SLC2A9: variants seen among roughly 807,000 people sequenced by gnomAD.
The protein encoded by SLC2A9 is solute carrier family 2, facilitated glucose transporter member 9.
SLC2A9 carries 39 observed loss-of-function variants against 50.6 expected under a neutral mutation model. The ratio of observed to expected loss-of-function variants is 0.77; its 90% CI spans 0.60 to 1.01. SLC2A9 has a LOEUF of 1.01. Ranked by LOEUF, SLC2A9 falls within the 50% of genes least tolerant of loss-of-function variation. The probability of loss-of-function intolerance (pLI) is 0.00; values close to 1 mark genes in which losing one functional copy is unlikely to be tolerated. For missense variants in SLC2A9, 686 were observed against 677.6 expected (o/e 1.01, Z -0.14); for synonymous variants, 324 against 276.9 (o/e 1.17, Z -1.69).
chr4:9,852,027 C>T (rs893717674), intron 10 of SLC2A9, among the ~76,000 whole-genome samples: 3 of 152,146 alleles, frequency 2.0e-5, no homozygotes, highest in African/African-American at 7.2e-5. Flanking sequence ...AAATTTCCTT[C>T]AGGAAATGCA....
chr4:9,801,274 C>T (rs1177846152), intron 3 of SLC2A9, among the ~76,000 whole-genome samples: 3 of 152,182 alleles, frequency 2.0e-5, no homozygotes, highest in Non-Finnish European at 4.4e-5. Context: ...GTGAGCAAAA[C>T]CAGCCAAGAT....
intron 6 of SLC2A9, among the ~76,000 whole-genome samples, chr4:9,939,106 G>A (rs1747662100): frequency 1.3e-5 from 2 of 152,160 alleles, no homozygotes; most frequent in African/African-American, 4.8e-5. Flanking sequence ...TTCAAGCTTA[G>A]AGAAAACGCT....
At chr4:9,953,811 G>A (rs572162272) in intron 5 of SLC2A9, among the ~76,000 whole-genome samples, 122 of 151,926 alleles carry the variant, frequency 8.0e-4, no homozygotes, top group Non-Finnish European at 1.5e-3. Context: ...TTGTTTGTTT[G>A]TTTGCTTGTT....
chr4:9,926,600 C>T (rs1270321484), intron 6 of SLC2A9, among the ~76,000 whole-genome samples: 1 of 151,890 alleles, frequency 6.6e-6, no homozygotes, highest in African/African-American at 2.4e-5. Flanking sequence ...TTCTCCCTCT[C>T]CCTTTCATCT....
At chr4:9,791,168 T>C (rs1410269173) in intron 3 of SLC2A9, among the ~76,000 whole-genome samples, 1 of 152,232 alleles carries the variant, frequency 6.6e-6, no homozygotes, top group Non-Finnish European at 1.5e-5. Context: ...TCAGATTCCT[T>C]GTTGGCAAAA....
At chr4:9,813,638 G>A (rs992612362) in intron 3 of SLC2A9, among the ~76,000 whole-genome samples, 3 of 152,210 alleles carry the variant, frequency 2.0e-5, no homozygotes, top group Non-Finnish European at 2.9e-5. Flanking sequence ...AGTCTATCAT[G>A]GGAGATGTGC....
At chr4:9,777,196 C>T (rs544435991), downstream of SLC2A9, among the ~76,000 whole-genome samples, 10 of 152,128 alleles carry the variant, frequency 6.6e-5, no homozygotes, top group African/African-American at 2.4e-4. Context: ...TCCCCGGGCC[C>T]TAGAATAGGG....
intron 10 of SLC2A9, among the ~76,000 whole-genome samples, chr4:9,862,858 C>A (rs1404162770): frequency 2.0e-5 from 3 of 152,104 alleles, no homozygotes; most frequent in South Asian, 2.1e-4. Flanking sequence ...TTTGTAGTGG[C>A]CTGTGTCATT....
intron 10 of SLC2A9, among the ~76,000 whole-genome samples, chr4:9,869,369 C>T (rs558615380): frequency 6.6e-6 from 1 of 152,192 alleles, no homozygotes; most frequent in African/African-American, 2.4e-5. Flanking sequence ...ACATTAAGGC[C>T]TTCTGTGTTC....
intron 5 of SLC2A9, among the ~76,000 whole-genome samples, chr4:9,956,327 CA>C (rs573102982): frequency 6.7e-6 from 1 of 150,268 alleles, no homozygotes; most frequent in Non-Finnish European, 1.5e-5. Context: ...ACTAAAAATA[CA>C]AAAAAAAATT....
intron 3 of SLC2A9, among the ~76,000 whole-genome samples, chr4:9,987,651 C>T (rs897377098): frequency 6.6e-6 from 1 of 152,054 alleles, no homozygotes; most frequent in Non-Finnish European, 1.5e-5. Context: ...AATTATGGGA[C>T]TCAGTTATGG....
At chr4:9,935,684 TG>T (rs1746938320) in intron 6 of SLC2A9, among the ~76,000 whole-genome samples, 1 of 152,180 alleles carries the variant, frequency 6.6e-6, no homozygotes, top group African/African-American at 2.4e-5. Flanking sequence ...AAGAAGTCAT[TG>T]GTGAGGAAGC....
At chr4:10,036,720 T>C (rs972850513) in intron 1 of SLC2A9, among the ~76,000 whole-genome samples, 1 of 152,254 alleles carries the variant, frequency 6.6e-6, no homozygotes, top group Non-Finnish European at 1.5e-5. Flanking sequence ...TATGGGTAAA[T>C]CATTCCTCCA....
At chr4:9,996,194 A>G (rs1380545627) in intron 3 of SLC2A9, among the ~76,000 whole-genome samples, 1 of 152,198 alleles carries the variant, frequency 6.6e-6, no homozygotes, top group African/African-American at 2.4e-5. Context: ...AAATGACCTA[A>G]ATGTCTCTCA....
downstream of SLC2A9, among the ~76,000 whole-genome samples, chr4:9,796,748 T>G (rs555892702): frequency 6.6e-6 from 1 of 152,326 alleles, no homozygotes; most frequent in East Asian, 1.9e-4. Flanking sequence ...ATTGGCTTCC[T>G]ATTTGCTTCA....
intron 6 of SLC2A9, among the ~76,000 whole-genome samples, chr4:9,936,544 C>G (rs900705684): frequency 6.6e-6 from 1 of 152,258 alleles, no homozygotes; most frequent in African/African-American, 2.4e-5. Flanking sequence ...ACGGCTGACA[C>G]CAGAATGTTT....
chr4:9,879,064 G>A, intron 10 of SLC2A9: 1 of 985,122 alleles, frequency 1.0e-6, no homozygotes, highest in Non-Finnish European at 1.2e-6. Flanking sequence ...CCACTGTCAG[G>A]CTGTGTGTTT....
At chr4:10,028,613 T>C (rs117366867) in intron 1 of SLC2A9, among the ~76,000 whole-genome samples, 1 of 152,332 alleles carries the variant, frequency 6.6e-6, no homozygotes, top group East Asian at 1.9e-4. Context: ...TTGTAAATTG[T>C]AGACTTTTAA....
At chr4:9,867,136 T>A (rs1433530984) in intron 10 of SLC2A9, among the ~76,000 whole-genome samples, 1 of 152,240 alleles carries the variant, frequency 6.6e-6, no homozygotes, top group Non-Finnish European at 1.5e-5. Context: ...AGCAGTTTAT[T>A]TTTGACACCT....
Sources: gnomAD v4.1 joint callset for allele counts (sites outside exome capture counted in the v4.1 genomes callset) on GRCh38, gnomAD v4.1.1 for gene constraint, MANE v1.5 for transcripts, NCBI Gene and HGNC (gene_info 2026-07-23, HGNC 2026-07-21) for gene names.